Variants in JADE1 observed in about 807,000 individuals in gnomAD.
JADE1 encodes jade family PHD finger 1.
JADE1 carries 14 observed loss-of-function variants against 81.8 expected under a neutral mutation model. The ratio of observed to expected loss-of-function variants is 0.17; its 90% CI spans 0.11 to 0.27. The LOEUF (loss-of-function observed/expected upper bound fraction) is 0.27, where lower values mean the gene tolerates loss of function less well. JADE1 is among the 10% of genes least tolerant of loss of function. The probability of loss-of-function intolerance (pLI) is 1.00; values close to 1 mark genes in which losing one functional copy is unlikely to be tolerated. For missense variants in JADE1, 690 were observed against 1,047.9 expected, an observed-to-expected ratio of 0.66 and a Z score of 4.71; for synonymous variants, 353 against 391.9, an observed-to-expected ratio of 0.90 and a Z score of 1.17.
At position 128,864,421 on chromosome 4, in the gene JADE1, C is replaced by T. The variant is rs1036217689; in HGVS notation, c.1503+2196C>T. The T allele has an allele frequency of 1.7e-5, 17 of 983,898 alleles. No individual in the cohort carries two copies. In the South Asian group the frequency reaches 3.3e-4, roughly 19 times the overall value. 60.9% of individuals were successfully genotyped at this position (983,898 alleles called of 1,614,324 possible). A position where few individuals can be genotyped will look rare whatever the true frequency, so the allele number is the denominator to read the frequency against. The stretch of plus-strand genomic sequence containing the variant: ...TTGGCCTCCCAGAGTGTTGGGATTA[C>T]GCCACTGTACCCAGCCTTAGACTCA... On this transcript the variant is annotated intron_variant, in intron 9 of 10. Transcript: ENST00000226319.
chr4:128,814,685 C>T (rs1726835367), intron 1 of JADE1, among the ~76,000 whole-genome samples: 1 of 151,758 alleles, frequency 6.6e-6, no homozygotes, highest in African/African-American at 2.4e-5. Flanking sequence ...CCTCAGCCTC[C>T]TGAGTAGCTG....
chr4:128,862,322 T>C, intron 9 of JADE1, 97 bp downstream of exon 9: 2 of 1,551,194 alleles, frequency 1.3e-6, no homozygotes, highest in Non-Finnish European at 1.7e-6. Flanking sequence ...AGTCATATAC[T>C]CTCAGACCCT....
intron 2 of JADE1, among the ~76,000 whole-genome samples, chr4:128,841,742 G>C (rs1314396509): frequency 1.3e-5 from 2 of 152,148 alleles, no homozygotes; most frequent in Non-Finnish European, 2.9e-5. Flanking sequence ...TGTGGACATG[G>C]GTGAGCACCC....
intron 1 of JADE1, among the ~76,000 whole-genome samples, chr4:128,815,207 TCTC>T (rs1416227797): frequency 2.6e-5 from 4 of 151,796 alleles, no homozygotes; most frequent in Non-Finnish European, 5.9e-5. Context: ...TTCACGCCAT[TCTC>T]CTGCCTCAGC....
rs1280759601 is a variant in JADE1 at position 128,816,651 on chromosome 4, G to A, written c.-27+6774G>A. 5.9e-5 allele frequency among the ~76,000 whole-genome samples: 9 copies of A among 152,318 alleles called. No individual in the cohort carries two copies. In the South Asian group the frequency reaches 1.9e-3, roughly 32 times the overall value. Reference sequence around the variant, plus strand: ...CCTTTATCACTAGGAAAGGGGCCATGTATTTTTACGTTTAATCCCTTAGAC... The same window carrying A: ...CCTTTATCACTAGGAAAGGGGCCATATATTTTTACGTTTAATCCCTTAGAC... On this transcript the variant is annotated intron_variant, in intron 1 of 10. Transcript: ENST00000226319.
chr4:128,842,594 CT>C (rs1377032035), intron 2 of JADE1, among the ~76,000 whole-genome samples: 2 of 152,206 alleles, frequency 1.3e-5, no homozygotes, highest in Admixed American at 6.5e-5. Context: ...GCCGCCACCC[CT>C]GGCCTGATAT....
At chr4:128,859,572 CG>C (rs1311062358) in intron 8 of JADE1, among the ~76,000 whole-genome samples, 3 of 149,960 alleles carry the variant, frequency 2.0e-5, no homozygotes, top group Non-Finnish European at 3.0e-5. Context: ...TGTGAGTATG[CG>C]TGTATGTGTG....
At chr4:128,843,167 A>C in intron 3 of JADE1, 129 bp downstream of exon 3, 1 of 684,778 alleles carries the variant, frequency 1.5e-6, no homozygotes, top group East Asian at 2.7e-5. Flanking sequence ...CAAATCTGTA[A>C]GACGGGGAGA....
At chr4:128,860,277 A>G (rs1579224287) in intron 8 of JADE1, among the ~76,000 whole-genome samples, 1 of 152,110 alleles carries the variant, frequency 6.6e-6, no homozygotes, top group East Asian at 1.9e-4. Flanking sequence ...TATAGAGAAA[A>G]TACAGATTTA....
At chr4:128,814,791 G>A (rs1257938215) in intron 1 of JADE1, among the ~76,000 whole-genome samples, 4 of 151,822 alleles carry the variant, frequency 2.6e-5, no homozygotes, top group African/African-American at 9.7e-5. Context: ...TTGAACTCCT[G>A]ACCTCAGGTG....
At chr4:128,813,664 G>C (rs1238877015) in intron 1 of JADE1, among the ~76,000 whole-genome samples, 1 of 151,640 alleles carries the variant, frequency 6.6e-6, no homozygotes, top group African/African-American at 2.4e-5. Context: ...CTCGTGATCC[G>C]CCCGCCCCGG....
intron 9 of JADE1, chr4:128,863,308 C>T: frequency 1.0e-6 from 1 of 985,550 alleles, no homozygotes; most frequent in Non-Finnish European, 1.2e-6. Context: ...ACTCCCCTGG[C>T]TGCTGGCTAC....
intron 1 of JADE1, among the ~76,000 whole-genome samples, chr4:128,822,479 G>A (rs1482193232): frequency 1.3e-5 from 2 of 152,038 alleles, no homozygotes; most frequent in African/African-American, 4.8e-5. Context: ...TTGGGAGGCC[G>A]AGGCGGGTGG....
chr4:128,822,371 A>T (rs1380880193), intron 1 of JADE1, among the ~76,000 whole-genome samples: 3 of 152,098 alleles, frequency 2.0e-5, no homozygotes, highest in African/African-American at 7.2e-5. Context: ...TGTCTCTCAA[A>T]AAAAAGTATC....
At position 128,852,032 on chromosome 4, in the gene JADE1, G is replaced by C. The variant is rs760518623; in HGVS notation, c.485-25G>C. 17 of 1,470,408 alleles carry C rather than the reference G, an allele frequency of 1.2e-5. No individual in the cohort carries two copies. In the South Asian group the frequency reaches 1.5e-4, roughly 13 times the overall value. The allele number at this position is 1,470,408 out of a possible 1,614,324, so 91.1% of individuals were successfully genotyped here. Reference sequence around the variant, plus strand: ...TTATTAATATGGATTTATTAAAATGGGTTTTGTGGCATTTTTAACTTCAGG... The same window carrying C: ...TTATTAATATGGATTTATTAAAATGCGTTTTGTGGCATTTTTAACTTCAGG... On this transcript the variant is annotated intron_variant, in intron 5 of 10. Transcript: ENST00000226319.
chr4:128,810,473 T>TTA (rs1726247689), intron 1 of JADE1: 1 of 144,780 alleles, frequency 6.9e-6, no homozygotes, highest in Non-Finnish European at 1.5e-5. Flanking sequence ...TTTTTTTTTT[T>TTA]TAGAAAGCCA....
intron 8 of JADE1, among the ~76,000 whole-genome samples, chr4:128,859,989 G>A (rs143552452): frequency 7.9e-5 from 12 of 152,340 alleles, no homozygotes; most frequent in Middle Eastern, 6.8e-3. Flanking sequence ...GGAAAACCCA[G>A]AGGAAGGCCA....
chr4:128,834,815 G>A (rs1728848994), intron 2 of JADE1, among the ~76,000 whole-genome samples: 1 of 151,870 alleles, frequency 6.6e-6, no homozygotes, highest in Non-Finnish European at 1.5e-5. Context: ...GATTACAGGC[G>A]TGAGCCACCA....
Position 128,871,698 on chromosome 4 carries a change from C to T in JADE1, c.1965C>T (p.Asp655=), listed in dbSNP as rs1732206907. ...AGAAAAATGGTGTGGTGATGCCAGA[C>T]CATGGGAAAAGAAGAGACAATCGTT... is the stretch of plus-strand genomic sequence containing the variant. ...AQQKNGVVMP[D]HGKRRDNRFH... The change falls in exon 11 of 11, where the codon GAC becomes GAT. Residue 655 remains aspartate (D), a synonymous_variant. Transcript: ENST00000226319. The surrounding 1 kb of genome is among the most constrained non-coding windows in gnomAD (Gnocchi z 4.1). 27 of 1,614,090 alleles carry T rather than the reference C, an allele frequency of 1.7e-5. No homozygotes were observed. The highest frequency in any genetic ancestry group is 2.2e-5 in the East Asian group (1 of 44,862).
Sources: allele counts gnomAD v4.1 joint callset (sites outside exome capture counted in the v4.1 genomes callset), GRCh38; gene constraint gnomAD v4.1.1; non-coding constraint Gnocchi (gnomAD v3.1); transcripts MANE v1.5; gene names NCBI Gene and HGNC (gene_info 2026-07-23, HGNC 2026-07-21).